SIRPG: variants seen among roughly 807,000 people sequenced by gnomAD.
The protein encoded by SIRPG is signal regulatory protein gamma.
SIRPG carries 38 observed loss-of-function variants against 35.7 expected under a neutral mutation model. That is an observed-to-expected ratio of 1.06 (90% CI 0.82 to 1.40). The LOEUF (loss-of-function observed/expected upper bound fraction) is 1.40. Ranked by LOEUF, SIRPG falls within the 40% of genes most tolerant of loss-of-function variation. SIRPG has a pLI of 0.00. For synonymous variants in SIRPG, 215 were observed against 190.4 expected (o/e 1.13, Z -1.06); for missense variants, 519 against 483.0 (o/e 1.07, Z -0.70).
intron 4 of SIRPG, among the ~76,000 whole-genome samples, chr20:1,632,904 G>A (rs1438909890): frequency 6.6e-6 from 1 of 151,800 alleles, no homozygotes; most frequent in East Asian, 1.9e-4. Flanking sequence ...AAAGAAGAGT[G>A]CAAAAAATGA....
intron 1 of SIRPG, among the ~76,000 whole-genome samples, chr20:1,655,368 AT>A (rs199528824): frequency 0.013 from 1,951 of 152,258 alleles, 39 homozygotes; most frequent in Non-Finnish European, 0.017. Flanking sequence ...AAACCCTGTC[AT>A]TTGCAACAAC....
chr20:1,664,105 A>T, the SIRPG span, among the ~76,000 whole-genome samples: 1 of 152,192 alleles, frequency 6.6e-6, no homozygotes. Flanking sequence ...GGCTCTTTGT[A>T]ACAATCAAAC....
rs200260253 is a variant in SIRPG, at chr20:1,650,002, G to GTATATATATATATATATATATA, written c.74-595_74-594insTATATATATATATATATATATA. Among the ~76,000 whole-genome samples the GTATATATATATATATATATATA allele has an allele frequency of 6.0e-3, 483 of 80,972 alleles. 6 individuals carry two copies. The highest frequency in any genetic ancestry group is 0.012 in the Admixed American group (88 of 7,498). 53.1% of individuals were successfully genotyped at this position (80,972 alleles called of 152,430 possible). A position where few individuals can be genotyped will look rare whatever the true frequency, so the allele number is the denominator to read the frequency against. The stretch of plus-strand genomic sequence containing the variant: ...GAACTCCTGAACTCTACTTTGAAGT[G>GTATATATATATATATATATATA]TGTATATATATATATATATATATAT... On this transcript the variant is annotated intron_variant, in intron 1 of 5. Coordinates refer to ENST00000303415, the MANE Select transcript of SIRPG (RefSeq NM_018556.4).
the SIRPG span, among the ~76,000 whole-genome samples, chr20:1,668,199 TTTTCTTTCTTTCTTTCTTTCTTTCTTTC>T: frequency 1.5e-5 from 1 of 67,394 alleles, no homozygotes; most frequent in Non-Finnish European, 3.1e-5. Context: ...TTTTCTTTTC[TTTTCTTTCTTTCTTTCTTTCTTTCTTTC>T]TTTCTTTCTT....
intron 1 of SIRPG, among the ~76,000 whole-genome samples, chr20:1,651,698 C>A (rs2091941116): frequency 6.6e-6 from 1 of 152,070 alleles, no homozygotes; most frequent in African/African-American, 2.4e-5. Context: ...GGATTTGCTA[C>A]TGATTGGCTC....
At chr20:1,633,886 A>G (rs2091770222) in intron 4 of SIRPG, among the ~76,000 whole-genome samples, 1 of 152,220 alleles carries the variant, frequency 6.6e-6, no homozygotes, top group Non-Finnish European at 1.5e-5. Flanking sequence ...TTCTCTAACT[A>G]GCACAAATTT....
chr20:1,646,260 C>T (rs970193458), intron 2 of SIRPG: 5 of 152,256 alleles, frequency 3.3e-5, no homozygotes, highest in Non-Finnish European at 7.3e-5. Flanking sequence ...AGGGAGAAGC[C>T]TCCCTCCTGG....
intron 2 of SIRPG, chr20:1,647,529 C>G (rs919572447): frequency 6.6e-6 from 1 of 152,184 alleles, no homozygotes; most frequent in Non-Finnish European, 1.5e-5. Flanking sequence ...AATACACACA[C>G]CCTCTGACTT....
At chr20:1,672,629 T>G in the SIRPG span, among the ~76,000 whole-genome samples, 1 of 152,348 alleles carries the variant, frequency 6.6e-6, no homozygotes, top group East Asian at 1.9e-4. Flanking sequence ...ACAAAACCTT[T>G]CCCGCACTGC....
the SIRPG span, among the ~76,000 whole-genome samples, chr20:1,681,065 T>C: frequency 6.6e-6 from 1 of 152,256 alleles, no homozygotes; most frequent in Non-Finnish European, 1.5e-5. Flanking sequence ...GGATACTTTC[T>C]TAAGAGACTG....
the SIRPG span, among the ~76,000 whole-genome samples, chr20:1,667,382 C>T: frequency 6.6e-6 from 1 of 152,160 alleles, no homozygotes; most frequent in Non-Finnish European, 1.5e-5. Context: ...ATGCCAAAAC[C>T]AAATTAGCTT....
At chr20:1,683,222 G>T in the SIRPG span, among the ~76,000 whole-genome samples, 2 of 152,152 alleles carry the variant, frequency 1.3e-5, no homozygotes, top group African/African-American at 2.4e-5. Context: ...TGTTAGAATG[G>T]TTATTATCAA....
At chr20:1,657,235 C>T (rs2091980985) in intron 1 of SIRPG, among the ~76,000 whole-genome samples, 1 of 152,102 alleles carries the variant, frequency 6.6e-6, no homozygotes, top group Admixed American at 6.6e-5. Context: ...GTTTTAGTTA[C>T]TGAGTCTGTG....
chr20:1,678,671 A>G, the SIRPG span, among the ~76,000 whole-genome samples: 1 of 152,234 alleles, frequency 6.6e-6, no homozygotes, highest in Non-Finnish European at 1.5e-5. Context: ...GGAAGAAATC[A>G]TGAACAAAAT....
chr20:1,635,166 A>T, intron 4 of SIRPG, 101 bp downstream of exon 4: 1 of 958,974 alleles, frequency 1.0e-6, no homozygotes, highest in Non-Finnish European at 1.5e-6. Context: ...TTAAAATTTT[A>T]CTTTGTATTT....
chr20:1,679,559 G>A, the SIRPG span, among the ~76,000 whole-genome samples: 5 of 151,952 alleles, frequency 3.3e-5, no homozygotes, highest in Non-Finnish European at 5.9e-5. Context: ...CCTGCTTCAC[G>A]GAAGCTCCTT....
Position 1,650,037 on chromosome 20 carries a change from G to A in SIRPG, c.74-629C>T, listed in dbSNP as rs969341107. Among the ~76,000 whole-genome samples, 16 of 98,654 alleles carry A rather than the reference G, an allele frequency of 1.6e-4. No homozygotes were observed. In the East Asian group the frequency reaches 3.4e-3, roughly 21 times the overall value. The allele number at this position is 98,654 out of a possible 152,430, so 64.7% of individuals were successfully genotyped here. The stretch of plus-strand genomic sequence containing the variant: ...ATATATATATATATATGTCATATAA[G>A]TGTCATATATATTTTTATATATTTT... On this transcript the variant is annotated intron_variant, in intron 1 of 5. Transcript: ENST00000303415.
At chr20:1,663,484 G>A in the SIRPG span, among the ~76,000 whole-genome samples, 2 of 152,186 alleles carry the variant, frequency 1.3e-5, no homozygotes, top group Admixed American at 1.3e-4. Context: ...GGCTTGGGCT[G>A]GTTCAAGACA....
intron 4 of SIRPG, among the ~76,000 whole-genome samples, chr20:1,632,245 A>C (rs1364200678): frequency 6.6e-6 from 1 of 152,192 alleles, no homozygotes; most frequent in Non-Finnish European, 1.5e-5. Flanking sequence ...TCAAATAAAA[A>C]ATGAAAACAA....
Sources: allele counts gnomAD v4.1 joint callset (sites outside exome capture counted in the v4.1 genomes callset), GRCh38; gene constraint gnomAD v4.1.1; transcripts MANE v1.5; gene names NCBI Gene and HGNC (gene_info 2026-07-23, HGNC 2026-07-21).